Variants in LIN7A observed in about 807,000 individuals in gnomAD.
LIN7A encodes protein lin-7 homolog A.
In LIN7A, 25 loss-of-function variants were observed where a neutral mutation model predicts 29.8. The observed-to-expected ratio is 0.84, with a 90% CI of 0.61 to 1.17. LIN7A has a LOEUF of 1.17. LIN7A is among the 50% of genes most tolerant of loss of function. The probability of loss-of-function intolerance (pLI) is 0.00; values close to 1 mark genes in which losing one functional copy is unlikely to be tolerated. For synonymous variants in LIN7A, 118 were observed against 107.5 expected, an observed-to-expected ratio of 1.10 and a Z score of -0.60; for missense variants, 239 against 287.0, an observed-to-expected ratio of 0.83 and a Z score of 1.21.
At chr12:80,937,233 C>T (rs1878285514) in intron 1 of LIN7A, 3 of 175,992 alleles carry the variant, frequency 1.7e-5, no homozygotes, top group South Asian at 2.0e-4. Context: ...AGCTGACAGG[C>T]GGCTCCCTCG....
chr12:80,894,247 A>C (rs1875770011), intron 1 of LIN7A, among the ~76,000 whole-genome samples: 1 of 152,186 alleles, frequency 6.6e-6, no homozygotes, highest in Non-Finnish European at 1.5e-5. Flanking sequence ...TTAGTAACAG[A>C]GAAGTTTGCG....
intron 2 of LIN7A, among the ~76,000 whole-genome samples, chr12:80,870,181 A>G (rs1874357396): frequency 1.3e-5 from 2 of 152,190 alleles, no homozygotes; most frequent in South Asian, 2.1e-4. Context: ...GTTAGGGGAA[A>G]TCTTGTTCCA....
At chr12:80,935,293 C>T (rs928404313) in intron 1 of LIN7A, among the ~76,000 whole-genome samples, 2 of 152,064 alleles carry the variant, frequency 1.3e-5, no homozygotes. Flanking sequence ...CAATTTAGAG[C>T]GCATCAAAGG....
At position 80,823,734 on chromosome 12, in the gene LIN7A, T is replaced by C. The variant is rs550727869; in HGVS notation, c.484-12051A>G. ...GCCAGAAATGTGACACCCCAAGGAT[T>C]CTGTGACACATGGAAATTAAATAAT... On this transcript the variant is annotated intron_variant, in intron 4 of 5. Transcript: ENST00000552864. Among the ~76,000 whole-genome samples, 16 of 152,370 alleles carry C rather than the reference T, an allele frequency of 1.1e-4. No homozygotes were observed. The South Asian group carries it at 3.3e-3, about 32-fold the overall frequency.
At chr12:80,884,026 A>G (rs1875202029) in intron 2 of LIN7A, among the ~76,000 whole-genome samples, 1 of 152,218 alleles carries the variant, frequency 6.6e-6, no homozygotes, top group African/African-American at 2.4e-5. Context: ...TAAGACAAAA[A>G]AATCTCTTTA....
chr12:80,911,189 A>C (rs531643410), intron 1 of LIN7A, among the ~76,000 whole-genome samples: 3 of 152,122 alleles, frequency 2.0e-5, no homozygotes, highest in Non-Finnish European at 4.4e-5. Flanking sequence ...ATCAAAATTC[A>C]ATCTTTACAT....
At chr12:80,845,661 A>T in intron 4 of LIN7A, 69 bp downstream of exon 4, 1 of 1,249,866 alleles carries the variant, frequency 8.0e-7, no homozygotes. Context: ...CGTTGACTTC[A>T]GTAATAGCAG....
chr12:80,866,672 T>C (rs1874151860), intron 2 of LIN7A, among the ~76,000 whole-genome samples: 2 of 152,214 alleles, frequency 1.3e-5, no homozygotes, highest in African/African-American at 4.8e-5. Context: ...AAAAGCACTC[T>C]ATGTGATTCC....
chr12:80,824,486 A>C (rs568785413), intron 4 of LIN7A, among the ~76,000 whole-genome samples: 9 of 152,288 alleles, frequency 5.9e-5, no homozygotes, highest in African/African-American at 2.2e-4. Flanking sequence ...CCACAAGATA[A>C]AGAGGAAATC....
chr12:80,913,195 C>T (rs1876854991), intron 1 of LIN7A, among the ~76,000 whole-genome samples: 1 of 152,218 alleles, frequency 6.6e-6, no homozygotes, highest in Non-Finnish European at 1.5e-5. Context: ...TTGCTACATG[C>T]ATTTCCTTCT....
At chr12:80,862,412 C>G (rs567901260) in intron 2 of LIN7A, among the ~76,000 whole-genome samples, 1 of 152,108 alleles carries the variant, frequency 6.6e-6, no homozygotes, top group Non-Finnish European at 1.5e-5. Context: ...AATTCTGAAC[C>G]ACTGTTTCTA....
chr12:80,913,162 C>T (rs1240165942), intron 1 of LIN7A, among the ~76,000 whole-genome samples: 1 of 152,146 alleles, frequency 6.6e-6, no homozygotes, highest in African/African-American at 2.4e-5. Flanking sequence ...CATATTCTGA[C>T]CTTGAAAATG....
chr12:80,868,436 C>T (rs756383058), intron 2 of LIN7A, among the ~76,000 whole-genome samples: 6 of 152,112 alleles, frequency 3.9e-5, no homozygotes, highest in South Asian at 2.1e-4. Flanking sequence ...GGTGTGATGG[C>T]GCATGCCTGT....
intron 1 of LIN7A, among the ~76,000 whole-genome samples, chr12:80,929,473 C>G (rs1224825888): frequency 6.6e-6 from 1 of 152,166 alleles, no homozygotes; most frequent in Admixed American, 6.5e-5. Context: ...CAGTGCCAAA[C>G]AAGACCATGA....
In LIN7A at chr12:80,809,687, G is replaced by A. The variant is rs1029436284; in HGVS notation, c.*1778C>T. On this transcript the variant is annotated intron_variant, in intron 5 of 5. Coordinates refer to ENST00000552864, the MANE Select transcript of LIN7A (RefSeq NM_004664.4). ...TTTTTCTGAGGATTAGGGATAAAAT[G>A]TGATAAGGGCATAGGGCATAGTAGG... Among the ~76,000 whole-genome samples the A allele has an allele frequency of 5.9e-5, 9 of 152,162 alleles. 1 individual carries two copies. Among genetic ancestry groups the A allele is most frequent in the Non-Finnish European group, 1.2e-4 (8 of 68,026 alleles).
At chr12:80,888,894 GT>G (rs2120644031) in intron 2 of LIN7A, among the ~76,000 whole-genome samples, 2 of 152,164 alleles carry the variant, frequency 1.3e-5, no homozygotes, top group South Asian at 4.2e-4. Flanking sequence ...GAGAGAATTA[GT>G]TAGATGTTCT....
chr12:80,807,159 C>A (rs1341910966), intron 5 of LIN7A, among the ~76,000 whole-genome samples: 1 of 144,872 alleles, frequency 6.9e-6, no homozygotes, highest in African/African-American at 2.6e-5. Context: ...GCAAGCTCCG[C>A]CTCTTGGGTT....
At chr12:80,927,200 C>T (rs1329093568) in intron 1 of LIN7A, among the ~76,000 whole-genome samples, 5 of 119,136 alleles carry the variant, frequency 4.2e-5, no homozygotes, top group African/African-American at 9.7e-5. Context: ...CTCGCTCCGT[C>T]GCCCAGGCTG....
chr12:80,856,799 A>T (rs911765209), intron 2 of LIN7A, among the ~76,000 whole-genome samples: 3 of 152,204 alleles, frequency 2.0e-5, no homozygotes, highest in African/African-American at 7.2e-5. Context: ...TGTATCTGAC[A>T]ACCAAGTTAT....
Sources: gnomAD v4.1 joint callset for allele counts (sites outside exome capture counted in the v4.1 genomes callset) on GRCh38, gnomAD v4.1.1 for gene constraint, MANE v1.5 for transcripts, NCBI Gene and HGNC (gene_info 2026-07-23, HGNC 2026-07-21) for gene names.